FOXP1: variants seen among roughly 807,000 people sequenced by gnomAD.
FOXP1 encodes forkhead box protein P1.
FOXP1 carries 15 observed loss-of-function variants against 98.2 expected under a neutral mutation model. That is an observed-to-expected ratio of 0.15 (90% CI 0.10 to 0.24). The LOEUF is 0.24. Ranked by LOEUF, FOXP1 falls within the 10% of genes least tolerant of loss-of-function variation. FOXP1 has a pLI of 1.00. For missense variants in FOXP1, 633 were observed against 848.5 expected, an observed-to-expected ratio of 0.75 and a Z score of 3.15; for synonymous variants, 371 against 314.5, an observed-to-expected ratio of 1.18 and a Z score of -1.90.
intron 6 of FOXP1, among the ~76,000 whole-genome samples, chr3:71,150,940 A>G (rs976485982): frequency 6.6e-6 from 1 of 152,286 alleles, no homozygotes; most frequent in African/African-American, 2.4e-5. Flanking sequence ...CCTAGATTGT[A>G]AGATATTTGG....
intron 3 of FOXP1, among the ~76,000 whole-genome samples, chr3:71,490,125 A>G (rs1457337956): frequency 6.6e-6 from 1 of 152,222 alleles, no homozygotes; most frequent in Non-Finnish European, 1.5e-5. Flanking sequence ...TATCAGATGC[A>G]TAATGCACGG....
chr3:71,054,585 T>C (rs2050357374), intron 7 of FOXP1, among the ~76,000 whole-genome samples: 1 of 152,220 alleles, frequency 6.6e-6, no homozygotes, highest in South Asian at 2.1e-4. Flanking sequence ...TTCAAGCGGA[T>C]ACCTAATGAC....
At chr3:71,520,118 T>C (rs564132902) in intron 2 of FOXP1, among the ~76,000 whole-genome samples, 1 of 152,334 alleles carries the variant, frequency 6.6e-6, no homozygotes, top group Admixed American at 6.5e-5. Context: ...ATTAACTCCA[T>C]GCATCTCCCC....
At chr3:71,225,114 C>T (rs2065732726) in intron 5 of FOXP1, among the ~76,000 whole-genome samples, 1 of 152,212 alleles carries the variant, frequency 6.6e-6, no homozygotes, top group Non-Finnish European at 1.5e-5. Context: ...CATCTTGTTT[C>T]TCAAAAATTT....
At chr3:71,325,381 G>A (rs987488534) in intron 4 of FOXP1, among the ~76,000 whole-genome samples, 1 of 152,132 alleles carries the variant, frequency 6.6e-6, no homozygotes, top group Non-Finnish European at 1.5e-5. Flanking sequence ...TGCTGGCAAC[G>A]GATCAAATTA....
intron 14 of FOXP1, 37 bp downstream of exon 14, chr3:70,987,957 T>G: frequency 6.3e-7 from 1 of 1,591,206 alleles, no homozygotes; most frequent in South Asian, 1.1e-5. Context: ...ATACTGTGAG[T>G]TTTGTTTTTT....
intron 17 of FOXP1, among the ~76,000 whole-genome samples, chr3:70,973,661 C>CTAGAA (rs1223304408): frequency 6.6e-6 from 1 of 152,106 alleles, no homozygotes; most frequent in African/African-American, 2.4e-5. Flanking sequence ...GACATGAAGA[C>CTAGAA]ATTCTAAAGA....
chr3:71,198,731 C>T (rs1300046048), intron 5 of FOXP1, among the ~76,000 whole-genome samples: 1 of 151,410 alleles, frequency 6.6e-6, no homozygotes, highest in Non-Finnish European at 1.5e-5. Context: ...ACGGCTCAGT[C>T]GCCCAGGCTG....
chr3:71,126,891 A>AAAAAAAAAAAAAAAAAAAAAAAAC (rs2059242357), intron 6 of FOXP1, among the ~76,000 whole-genome samples: 1 of 30,450 alleles, frequency 3.3e-5, no homozygotes, highest in Non-Finnish European at 1.1e-4. Flanking sequence ...AAACAAAAAC[A>AAAAAAAAAAAAAAAAAAAAAAAAC]AAAAAAAAAA....
intron 3 of FOXP1, among the ~76,000 whole-genome samples, chr3:71,367,683 C>T (rs1416634012): frequency 1.3e-5 from 2 of 152,102 alleles, no homozygotes; most frequent in South Asian, 4.1e-4. Context: ...TTTCCTCCAC[C>T]GAATATATCA....
chr3:71,454,477 T>G (rs969763983), intron 3 of FOXP1, among the ~76,000 whole-genome samples: 3 of 152,090 alleles, frequency 2.0e-5, no homozygotes, highest in African/African-American at 7.2e-5. Flanking sequence ...AATTTTTATT[T>G]GATTTTCAAA....
rs187769266 is a variant in FOXP1, at chr3:71,535,251, T to C, written c.-297-41696A>G. Among the ~76,000 whole-genome samples the C allele has an allele frequency of 1.1e-3, 166 of 152,256 alleles. 1 individual carries two copies. The highest frequency in any genetic ancestry group is 3.9e-3 in the African/African-American group (160 of 41,544). ...ATTTTAACCATAAGCAATTTTCATC[T>C]CATATGCTAACTTCAGAACCTGACC... On this transcript the variant is annotated intron_variant, in intron 2 of 20. Coordinates refer to ENST00000649528, the MANE Select transcript of FOXP1 (RefSeq NM_001349338.3).
chr3:71,019,059 C>A (rs1408973229), intron 11 of FOXP1, among the ~76,000 whole-genome samples: 3 of 152,290 alleles, frequency 2.0e-5, no homozygotes, highest in African/African-American at 7.2e-5. Context: ...TGGACAACAC[C>A]AGCTGCACCT....
intron 2 of FOXP1, among the ~76,000 whole-genome samples, chr3:71,580,613 T>C (rs1280995846): frequency 6.6e-6 from 1 of 152,084 alleles, no homozygotes; most frequent in African/African-American, 2.4e-5. Context: ...AGTCTTACTA[T>C]TTCTTTAAAA....
intron 7 of FOXP1, among the ~76,000 whole-genome samples, chr3:71,063,740 G>A (rs1174367421): frequency 6.6e-6 from 1 of 152,166 alleles, no homozygotes; most frequent in African/African-American, 2.4e-5. Flanking sequence ...ATGGAAATGA[G>A]GTGATTTGCA....
intron 2 of FOXP1, among the ~76,000 whole-genome samples, chr3:71,513,761 A>AATGTAATTC (rs539087365): frequency 3.2e-4 from 48 of 152,112 alleles, no homozygotes; most frequent in Non-Finnish European, 4.9e-4. Flanking sequence ...TGGCTCCAAG[A>AATGTAATTC]ATGTAATTCT....
intron 11 of FOXP1, among the ~76,000 whole-genome samples, chr3:71,016,557 A>T (rs1269812001): frequency 6.6e-6 from 1 of 151,822 alleles, no homozygotes; most frequent in Admixed American, 6.6e-5. Flanking sequence ...TCTGTTTCGT[A>T]CTCAAGTGCA....
At chr3:70,973,971 G>A (rs1381125418) in intron 17 of FOXP1, among the ~76,000 whole-genome samples, 1 of 151,982 alleles carries the variant, frequency 6.6e-6, no homozygotes, top group Non-Finnish European at 1.5e-5. Context: ...TGGTGGCTGT[G>A]AGGATTCAAG....
At chr3:71,406,405 G>GTATGTGTGTATATATATATATA (rs2082336447) in intron 3 of FOXP1, among the ~76,000 whole-genome samples, 1 of 105,948 alleles carries the variant, frequency 9.4e-6, no homozygotes, top group Non-Finnish European at 2.2e-5. Flanking sequence ...AACTGTATGT[G>GTATGTGTGTATATATATATATA]TATATATATA....
Sources: gnomAD v4.1 joint callset for allele counts (sites outside exome capture counted in the v4.1 genomes callset) on GRCh38, gnomAD v4.1.1 for gene constraint, MANE v1.5 for transcripts, NCBI Gene and HGNC (gene_info 2026-07-23, HGNC 2026-07-21) for gene names.